The following BBS9 variants were observed in gnomAD, a reference collection of about 807,000 sequenced individuals.
BBS9 encodes the protein Bardet-Biedl syndrome 9.
A neutral mutation model predicts 117.7 loss-of-function variants in BBS9; 89 were observed. That is an observed-to-expected ratio of 0.76 (90% CI 0.64 to 0.90). The LOEUF is 0.90. Ranked by LOEUF, BBS9 falls within the 40% of genes least tolerant of loss-of-function variation. The probability of loss-of-function intolerance (pLI) is 0.00; values close to 1 mark genes in which losing one functional copy is unlikely to be tolerated. For missense variants in BBS9, 982 were observed against 1,042.2 expected (o/e 0.94, Z 0.80); for synonymous variants, 379 against 370.9 (o/e 1.02, Z -0.25).
At chr7:33,150,525 G>A (rs1450307067) in intron 2 of BBS9, among the ~76,000 whole-genome samples, 1 of 152,094 alleles carries the variant, frequency 6.6e-6, no homozygotes, top group African/African-American at 2.4e-5. Context: ...GGAGTGTTCT[G>A]TGAAAGGGCA....
chr7:33,300,838 C>A (rs1031248906), intron 9 of BBS9, among the ~76,000 whole-genome samples: 1 of 151,978 alleles, frequency 6.6e-6, no homozygotes, highest in South Asian at 2.1e-4. Context: ...TTTACTGTTT[C>A]TTTTTGTATG....
chr7:33,335,987 C>A (rs1195455917), intron 9 of BBS9, among the ~76,000 whole-genome samples: 1 of 152,018 alleles, frequency 6.6e-6, no homozygotes, highest in Non-Finnish European at 1.5e-5. Context: ...GGTTTTCTGT[C>A]CCCTGGGTTG....
intron 5 of BBS9, among the ~76,000 whole-genome samples, chr7:33,189,388 C>T (rs557629692): frequency 2.6e-4 from 40 of 152,096 alleles, no homozygotes; most frequent in Admixed American, 2.2e-3. Flanking sequence ...TGTTTCTCAT[C>T]GTGTAATTTG....
intron 5 of BBS9, among the ~76,000 whole-genome samples, chr7:33,184,097 C>CAGAG (rs35333434): frequency 0.074 from 11,004 of 149,472 alleles, 425 homozygotes; most frequent in South Asian, 0.12. Context: ...AGTTTGCACA[C>CAGAG]AGAGAGAGAG....
chr7:33,541,982 A>G (rs976030228), intron 21 of BBS9, among the ~76,000 whole-genome samples: 1 of 152,246 alleles, frequency 6.6e-6, no homozygotes, highest in African/African-American at 2.4e-5. Flanking sequence ...AAGATAAAAC[A>G]TGTTCTTTGT....
intron 19 of BBS9, among the ~76,000 whole-genome samples, chr7:33,426,370 A>C (rs945909819): frequency 2.0e-5 from 3 of 152,212 alleles, no homozygotes; most frequent in African/African-American, 7.2e-5. Context: ...TTTTGCCTTC[A>C]ATAACTTAAT....
At chr7:33,401,497 A>T (rs914390393) in intron 19 of BBS9, among the ~76,000 whole-genome samples, 3 of 151,490 alleles carry the variant, frequency 2.0e-5, no homozygotes, top group African/African-American at 7.3e-5. Flanking sequence ...GGAGACATAG[A>T]CATCAACCAA....
intron 19 of BBS9, among the ~76,000 whole-genome samples, chr7:33,460,472 C>G (rs1203366051): frequency 6.6e-6 from 1 of 151,696 alleles, no homozygotes; most frequent in African/African-American, 2.4e-5. Flanking sequence ...AATATTTTCT[C>G]TTATTAAATA....
At chr7:33,599,240 A>C (rs1021188613) in intron 21 of BBS9, among the ~76,000 whole-genome samples, 5 of 151,630 alleles carry the variant, frequency 3.3e-5, no homozygotes, top group Admixed American at 3.3e-4. Context: ...AGATTAGCCA[A>C]CTCCCTAGGT....
intron 19 of BBS9, among the ~76,000 whole-genome samples, chr7:33,413,049 CTA>C (rs954543937): frequency 1.3e-5 from 2 of 152,250 alleles, no homozygotes; most frequent in Middle Eastern, 3.4e-3. Context: ...TCATTTTTTA[CTA>C]TGAGTTAATT....
chr7:33,429,935 T>C lies in BBS9; in HGVS notation c.2115+41791T>C, dbSNP rs545593779. Among the ~76,000 whole-genome samples the C allele has an allele frequency of 1.6e-3, 244 of 152,268 alleles. 1 individual carries two copies. Among genetic ancestry groups the C allele is most frequent in the African/African-American group, 5.3e-3 (222 of 41,542 alleles). On this transcript the variant is annotated intron_variant, in intron 19 of 22. Transcript: ENST00000242067. ...TTCTCTATGGGAAGGGAGAGTTGCC[T>C]TTAGGAAGTTCTAAGCCTGCATTAG...
At chr7:33,460,352 T>C (rs1368830431) in intron 19 of BBS9, among the ~76,000 whole-genome samples, 1 of 152,138 alleles carries the variant, frequency 6.6e-6, no homozygotes, top group African/African-American at 2.4e-5. Flanking sequence ...AAAACTGTCT[T>C]CTATGCCCAT....
chr7:33,423,829 G>T (rs1390287288), intron 19 of BBS9, among the ~76,000 whole-genome samples: 2 of 152,132 alleles, frequency 1.3e-5, no homozygotes, highest in African/African-American at 2.4e-5. Context: ...CCATGATTTG[G>T]TTAAAATTAC....
At chr7:33,568,416 A>G (rs2129132969) in intron 21 of BBS9, among the ~76,000 whole-genome samples, 1 of 152,104 alleles carries the variant, frequency 6.6e-6, no homozygotes, top group East Asian at 1.9e-4. Flanking sequence ...CCTATCGCTT[A>G]CCCCTATCAT....
At chr7:33,582,795 T>G (rs1860206859) in intron 21 of BBS9, among the ~76,000 whole-genome samples, 1 of 152,134 alleles carries the variant, frequency 6.6e-6, no homozygotes, top group East Asian at 1.9e-4. Flanking sequence ...AATTTAAACT[T>G]GGCAACATCC....
intron 5 of BBS9, among the ~76,000 whole-genome samples, chr7:33,220,802 A>G (rs951614582): frequency 6.6e-5 from 10 of 152,252 alleles, no homozygotes; most frequent in Admixed American, 5.9e-4. Context: ...ACATGGAGTA[A>G]TAATAACAAA....
chr7:33,267,961 T>G (rs1190574727), intron 7 of BBS9, among the ~76,000 whole-genome samples: 2 of 152,212 alleles, frequency 1.3e-5, no homozygotes. Context: ...GGGACACAGT[T>G]AAGTTACTTG....
chr7:33,611,693 ATAT>A (rs1479270131), intron 21 of BBS9, among the ~76,000 whole-genome samples: 2 of 134,778 alleles, frequency 1.5e-5, no homozygotes, highest in Non-Finnish European at 3.1e-5. Flanking sequence ...TTAATAATTA[ATAT>A]TAATATATAT....
intron 5 of BBS9, among the ~76,000 whole-genome samples, chr7:33,190,181 G>T (rs566706575): frequency 6.9e-6 from 1 of 145,894 alleles, no homozygotes; most frequent in Non-Finnish European, 1.5e-5. Flanking sequence ...GTGCAGTGGC[G>T]CAATCTCGGC....
Sources: allele counts gnomAD v4.1 joint callset (sites outside exome capture counted in the v4.1 genomes callset), GRCh38; gene constraint gnomAD v4.1.1; transcripts MANE v1.5; gene names NCBI Gene and HGNC (gene_info 2026-07-23, HGNC 2026-07-21).